The following CDC42BPA variants were observed in gnomAD, a reference collection of about 807,000 sequenced individuals.
The protein encoded by CDC42BPA is CDC42 binding protein kinase alpha.
Under a neutral mutation model 223.5 loss-of-function variants are expected in CDC42BPA, and 80 were observed. The observed-to-expected ratio is 0.36, with a 90% CI of 0.30 to 0.43. The LOEUF (loss-of-function observed/expected upper bound fraction) is 0.43, where lower values mean the gene tolerates loss of function less well. Among genes scored for constraint, CDC42BPA ranks in the 20% least tolerant of loss-of-function variants. The probability of loss-of-function intolerance (pLI) is 1.00; values close to 1 mark genes in which losing one functional copy is unlikely to be tolerated. For synonymous variants in CDC42BPA, 694 were observed against 718.6 expected (o/e 0.97, Z 0.55); for missense variants, 1,743 against 2,099.9 (o/e 0.83, Z 3.32).
At chr1:227,107,179 T>C (rs1172827074) in intron 14 of CDC42BPA, among the ~76,000 whole-genome samples, 1 of 152,256 alleles carries the variant, frequency 6.6e-6, no homozygotes, top group African/African-American at 2.4e-5. Flanking sequence ...CCACTATTCA[T>C]AAACATGAGA....
chr1:227,206,647 TTAA>T (rs919752439), intron 3 of CDC42BPA, among the ~76,000 whole-genome samples: 7 of 152,150 alleles, frequency 4.6e-5, no homozygotes, highest in African/African-American at 1.7e-4. Context: ...GTTTTTGTTT[TTAA>T]AAAGATCTGC....
At chr1:227,057,456 C>G (rs1674819160) in intron 21 of CDC42BPA, among the ~76,000 whole-genome samples, 1 of 151,996 alleles carries the variant, frequency 6.6e-6, no homozygotes, top group Non-Finnish European at 1.5e-5. Flanking sequence ...ACAACAGAGG[C>G]CATTGTTAAG....
Position 227,091,985 on chromosome 1 carries a change from A to G in CDC42BPA, c.2256T>C (p.Ser752=). 2 of 1,567,888 alleles carry G rather than the reference A, an allele frequency of 1.3e-6. No individual in the cohort carries two copies. The highest frequency in any genetic ancestry group is 1.7e-6 in the Non-Finnish European group (2 of 1,144,620). Residue 752 remains serine (S), a synonymous_variant, in exon 16 of 37, where the codon AGT becomes AGC. Coordinates refer to ENST00000366766, the MANE Select transcript of CDC42BPA (RefSeq NM_001394014.1). ...ACTCACTTTCAAATTCCTCCCTTTC[A>G]CTTTGACTAACACAATTCAAAACAC... is the stretch of plus-strand genomic sequence containing the variant. ...KLEKTRRESQ[S]EREEFESEFK... is the part of the protein sequence containing the mutation.
chr1:227,118,452 G>A (rs1018630639), intron 12 of CDC42BPA, among the ~76,000 whole-genome samples: 4 of 152,024 alleles, frequency 2.6e-5, no homozygotes, highest in Non-Finnish European at 4.4e-5. Context: ...ACTGCCTATA[G>A]GATATTAAGC....
At chr1:227,273,117 G>T (rs1686238616) in intron 1 of CDC42BPA, among the ~76,000 whole-genome samples, 1 of 152,064 alleles carries the variant, frequency 6.6e-6, no homozygotes, top group African/African-American at 2.4e-5. Context: ...GGCAAACATG[G>T]TGAAACCCCA....
intron 5 of CDC42BPA, among the ~76,000 whole-genome samples, chr1:227,171,158 T>C (rs1666032685): frequency 6.6e-6 from 1 of 152,250 alleles, no homozygotes; most frequent in Non-Finnish European, 1.5e-5. Context: ...AAATATCTAT[T>C]ACTGTAAAAA....
intron 12 of CDC42BPA, among the ~76,000 whole-genome samples, chr1:227,117,251 G>A (rs1002298899): frequency 6.6e-6 from 1 of 152,072 alleles, no homozygotes; most frequent in Admixed American, 6.5e-5. Flanking sequence ...AATAAATATA[G>A]ATAGTAAGAA....
At chr1:227,148,162 C>T (rs928589145) in intron 6 of CDC42BPA, among the ~76,000 whole-genome samples, 14 of 152,018 alleles carry the variant, frequency 9.2e-5, no homozygotes, top group Non-Finnish European at 2.9e-5. Flanking sequence ...AATTAGAAAA[C>T]AGGTAATTAA....
At chr1:227,253,870 G>C (rs1398484976) in intron 2 of CDC42BPA, among the ~76,000 whole-genome samples, 194 bp downstream of exon 2, 1 of 152,014 alleles carries the variant, frequency 6.6e-6, no homozygotes, top group Non-Finnish European at 1.5e-5. Context: ...ATTCCCAGTA[G>C]AAATATTTCA....
intron 28 of CDC42BPA, 146 bp from the exon 29 acceptor site, chr1:227,030,616 T>C: frequency 1.9e-6 from 1 of 534,026 alleles, no homozygotes; most frequent in Non-Finnish European, 3.3e-6. Context: ...CAGATTATAC[T>C]GGTAAATCTC....
At chr1:227,229,996 G>C (rs1238341945) in intron 2 of CDC42BPA, among the ~76,000 whole-genome samples, 1 of 152,172 alleles carries the variant, frequency 6.6e-6, no homozygotes, top group Non-Finnish European at 1.5e-5. Flanking sequence ...TACAATGGCA[G>C]ACTCGTTTCC....
At chr1:227,196,338 C>CTTTTTTTTTTTTTTTTTTTTTTTTTT (rs34352900) in intron 4 of CDC42BPA, among the ~76,000 whole-genome samples, 7 of 92,360 alleles carry the variant, frequency 7.6e-5, no homozygotes, top group African/African-American at 9.4e-5. Flanking sequence ...TTAAACAATA[C>CTTTTTTTTTTTTTTTTTTTTTTTTTT]TTTTTTTTTT....
intron 1 of CDC42BPA, among the ~76,000 whole-genome samples, chr1:227,310,586 T>A (rs1693334127): frequency 6.6e-6 from 1 of 151,680 alleles, no homozygotes; most frequent in African/African-American, 2.4e-5. Context: ...AGGAAGGAAG[T>A]GTGTAGAAGC....
chr1:227,098,590 A>T (rs1193445193), intron 15 of CDC42BPA, among the ~76,000 whole-genome samples: 1 of 152,008 alleles, frequency 6.6e-6, no homozygotes, highest in Admixed American at 6.6e-5. Flanking sequence ...TGGACCAAAA[A>T]CCTTAGTATC....
intron 24 of CDC42BPA, among the ~76,000 whole-genome samples, chr1:227,037,572 A>C (rs1304478437): frequency 6.6e-6 from 1 of 152,220 alleles, no homozygotes; most frequent in Non-Finnish European, 1.5e-5. Flanking sequence ...AAGTACTCAG[A>C]TACAGGCTAA....
intron 10 of CDC42BPA, among the ~76,000 whole-genome samples, chr1:227,136,019 C>T (rs1016788081): frequency 1.3e-5 from 2 of 151,432 alleles, no homozygotes; most frequent in Non-Finnish European, 2.9e-5. Context: ...ACATCTTTCA[C>T]ATGAGACATT....
chr1:227,158,728 G>A (rs536356795), intron 6 of CDC42BPA, among the ~76,000 whole-genome samples: 3 of 152,134 alleles, frequency 2.0e-5, no homozygotes, highest in Non-Finnish European at 4.4e-5. Context: ...TTTCCTGCCT[G>A]GGAGATCTGC....
chr1:227,298,331 T>C (rs187584150), intron 1 of CDC42BPA, among the ~76,000 whole-genome samples: 2 of 151,602 alleles, frequency 1.3e-5, no homozygotes, highest in Admixed American at 1.3e-4. Context: ...ACCACTATTA[T>C]AATTGCCCTT....
chr1:227,299,989 G>A (rs1691337201), intron 1 of CDC42BPA, among the ~76,000 whole-genome samples: 1 of 152,172 alleles, frequency 6.6e-6, no homozygotes, highest in African/African-American at 2.4e-5. Flanking sequence ...GAGTCCTACA[G>A]TTCAGCAATC....
Sources: allele counts gnomAD v4.1 joint callset (sites outside exome capture counted in the v4.1 genomes callset), GRCh38; gene constraint gnomAD v4.1.1; transcripts MANE v1.5; gene names NCBI Gene and HGNC (gene_info 2026-07-23, HGNC 2026-07-21).